The following DGKB variants were observed in gnomAD, a reference collection of about 807,000 sequenced individuals.
DGKB encodes diacylglycerol kinase beta.
In DGKB, 67 loss-of-function variants were observed where a neutral mutation model predicts 114.3. The observed-to-expected ratio is 0.59, with a 90% CI of 0.48 to 0.72. The LOEUF (loss-of-function observed/expected upper bound fraction) is 0.72. Ranked by LOEUF, DGKB falls within the 30% of genes least tolerant of loss-of-function variation. DGKB has a pLI of 0.00. For synonymous variants in DGKB, 398 were observed against 323.1 expected (o/e 1.23, Z -2.49); for missense variants, 907 against 975.2 (o/e 0.93, Z 0.93).
At chr7:14,235,269 G>A (rs939126510) in intron 23 of DGKB, among the ~76,000 whole-genome samples, 1 of 151,908 alleles carries the variant, frequency 6.6e-6, no homozygotes, top group Non-Finnish European at 1.5e-5. Flanking sequence ...TCATTGTCCC[G>A]CACTGTTCTA....
intron 21 of DGKB, among the ~76,000 whole-genome samples, chr7:14,430,983 C>T (rs79681336): frequency 0.011 from 1,624 of 152,256 alleles, 10 homozygotes; most frequent in Non-Finnish European, 0.016. Flanking sequence ...GAATTTCCCT[C>T]TGAAGTATCA....
intron 21 of DGKB, among the ~76,000 whole-genome samples, chr7:14,450,099 T>C (rs1213710832): frequency 1.3e-5 from 2 of 152,082 alleles, no homozygotes; most frequent in South Asian, 2.1e-4. Flanking sequence ...AAATAAGCTA[T>C]GACAAGAACA....
intron 6 of DGKB, among the ~76,000 whole-genome samples, chr7:14,715,912 G>A (rs140208495): frequency 8.5e-4 from 129 of 152,254 alleles, no homozygotes; most frequent in African/African-American, 2.7e-3. Flanking sequence ...GGGAACTTTT[G>A]TTTGTTATTC....
chr7:14,690,452 C>G (rs1300799790), intron 9 of DGKB, among the ~76,000 whole-genome samples: 5 of 152,184 alleles, frequency 3.3e-5, no homozygotes, highest in African/African-American at 1.2e-4. Context: ...GTATTAGATT[C>G]CTTTCTTCCA....
chr7:14,740,872 C>G (rs1016130275), intron 4 of DGKB, among the ~76,000 whole-genome samples: 2 of 152,150 alleles, frequency 1.3e-5, no homozygotes, highest in African/African-American at 4.8e-5. Context: ...CACCAGGCCT[C>G]AGGGATATAA....
chr7:14,264,650 A>C (rs1797234333), intron 23 of DGKB, among the ~76,000 whole-genome samples: 1 of 152,148 alleles, frequency 6.6e-6, no homozygotes, highest in Non-Finnish European at 1.5e-5. Context: ...CCTTTTAGAG[A>C]AGTCATGTGG....
At chr7:14,334,516 T>A (rs1810338962) in intron 23 of DGKB, among the ~76,000 whole-genome samples, 1 of 151,902 alleles carries the variant, frequency 6.6e-6, no homozygotes, top group Non-Finnish European at 1.5e-5. Context: ...AAGTTAATGA[T>A]TTGAGAACTG....
intron 25 of DGKB, among the ~76,000 whole-genome samples, chr7:14,154,472 A>G (rs747604239): frequency 4.0e-4 from 61 of 152,008 alleles, no homozygotes; most frequent in Non-Finnish European, 7.2e-4. Context: ...TCAATACTGT[A>G]GAGCTTTTCA....
intron 23 of DGKB, among the ~76,000 whole-genome samples, chr7:14,324,523 C>G (rs1808393948): frequency 6.6e-6 from 1 of 151,078 alleles, no homozygotes; most frequent in African/African-American, 2.4e-5. Context: ...AATAGAAAAT[C>G]ATTCTTTCAA....
At chr7:14,718,795 T>C (rs1415557792) in intron 5 of DGKB, 110 bp from the exon 6 acceptor site, 1 of 837,378 alleles carries the variant, frequency 1.2e-6, no homozygotes, top group East Asian at 2.7e-5. Context: ...TTATATTTTT[T>C]AGGCATAGAA....
Position 14,200,700 on chromosome 7 carries a change from G to T in DGKB, c.2123-22549C>A, listed in dbSNP as rs530354119. ...CAATGTATGCCAGGTACTCTGGAAT[G>T]TGACTGAGATAGATGTAAAAAGCTA... On this transcript the variant is annotated intron_variant, in intron 23 of 25. Transcript: ENST00000402815. 2.0e-5 allele frequency among the ~76,000 whole-genome samples: 3 copies of T among 152,110 alleles called. No individual in the cohort carries two copies. In the East Asian group the frequency reaches 5.8e-4, roughly 30 times the overall value.
chr7:14,745,372 T>C (rs186238284), intron 4 of DGKB, among the ~76,000 whole-genome samples: 18 of 152,222 alleles, frequency 1.2e-4, no homozygotes, highest in Non-Finnish European at 2.2e-4. Flanking sequence ...AAGATCAGTC[T>C]TCGTCCCTAT....
chr7:14,478,608 T>C (rs1328276858), intron 20 of DGKB, among the ~76,000 whole-genome samples: 2 of 152,206 alleles, frequency 1.3e-5, no homozygotes, highest in South Asian at 2.1e-4. Flanking sequence ...GTTAGAAGGA[T>C]GCCCTAAGTG....
intron 23 of DGKB, among the ~76,000 whole-genome samples, chr7:14,328,410 C>A (rs548370117): frequency 6.6e-6 from 1 of 152,014 alleles, no homozygotes; most frequent in South Asian, 2.1e-4. Flanking sequence ...TTACTAATTT[C>A]AGTATTAATA....
intron 7 of DGKB, among the ~76,000 whole-genome samples, chr7:14,698,878 T>C (rs976703251): frequency 6.6e-6 from 1 of 152,146 alleles, no homozygotes; most frequent in African/African-American, 2.4e-5. Context: ...CTTTGTGAAA[T>C]GCTTGTAATT....
At chr7:14,356,789 GTA>G (rs1814635959) in intron 21 of DGKB, among the ~76,000 whole-genome samples, 1 of 152,128 alleles carries the variant, frequency 6.6e-6, no homozygotes. Flanking sequence ...AGAGATTCTG[GTA>G]TGTTGTGTCT....
In DGKB at chr7:14,604,803, T is replaced by G. The variant is rs1804183873; in HGVS notation, c.1433+2631A>C. 2.0e-5 allele frequency among the ~76,000 whole-genome samples: 3 copies of G among 152,124 alleles called. No homozygotes were observed. In the South Asian group the frequency reaches 6.2e-4, roughly 32 times the overall value. Reference sequence around the variant, plus strand: ...TCAGAGAAAGGGCAACATCATAGCCTGGCCAGAGTCCCCGTTCTGAGCAAC... The same window carrying G: ...TCAGAGAAAGGGCAACATCATAGCCGGGCCAGAGTCCCCGTTCTGAGCAAC... On this transcript the variant is annotated intron_variant, in intron 17 of 25. Coordinates refer to ENST00000402815, the MANE Select transcript of DGKB (RefSeq NM_001350709.2).
intron 2 of DGKB, among the ~76,000 whole-genome samples, chr7:14,779,173 A>G (rs1446582344): frequency 3.3e-5 from 5 of 152,134 alleles, no homozygotes; most frequent in Non-Finnish European, 7.4e-5. Flanking sequence ...AATAAATAAA[A>G]TATGAAAAGT....
chr7:14,540,193 G>A (rs1793193169), intron 20 of DGKB, among the ~76,000 whole-genome samples: 3 of 151,950 alleles, frequency 2.0e-5, no homozygotes, highest in Admixed American at 6.6e-5. Context: ...TATAATATTT[G>A]TTATTAACTT....
Sources: gnomAD v4.1 joint callset for allele counts (sites outside exome capture counted in the v4.1 genomes callset) on GRCh38, gnomAD v4.1.1 for gene constraint, MANE v1.5 for transcripts, NCBI Gene and HGNC (gene_info 2026-07-23, HGNC 2026-07-21) for gene names.